Variants in SEMA3C observed in about 807,000 individuals in gnomAD.
SEMA3C encodes semaphorin 3C.
In SEMA3C, 47 loss-of-function variants were observed where a neutral mutation model predicts 89.4. The ratio of observed to expected loss-of-function variants is 0.53; its 90% CI spans 0.42 to 0.67. The LOEUF (loss-of-function observed/expected upper bound fraction) is 0.67, where lower values mean the gene tolerates loss of function less well. SEMA3C is among the 30% of genes least tolerant of loss of function. The pLI is 0.00. For missense variants in SEMA3C, 839 were observed against 929.1 expected (o/e 0.90, Z 1.26); for synonymous variants, 310 against 320.2 (o/e 0.97, Z 0.34).
Position 80,750,459 on chromosome 7 carries a change from TATATATATATATATAC to T in SEMA3C, c.1711+794_1711+809del, listed in dbSNP as rs1386847224. Among the ~76,000 whole-genome samples the T allele has an allele frequency of 6.2e-4, 44 of 71,460 alleles. 1 individual carries two copies. In the East Asian group the frequency reaches 0.013, roughly 22 times the overall value. 46.9% of individuals were successfully genotyped at this position (71,460 alleles called of 152,430 possible). A position where few individuals can be genotyped will look rare whatever the true frequency, so the allele number is the denominator to read the frequency against. On this transcript the variant is annotated intron_variant, in intron 16 of 17. Coordinates refer to ENST00000265361, the MANE Select transcript of SEMA3C (RefSeq NM_006379.5). ...ACATATATATATATATATATATATA[TATATATATATATATAC>T]ACACACACACACACACACACACACA...
chr7:80,754,729 A>G (rs6979109), intron 15 of SEMA3C, among the ~76,000 whole-genome samples: 7,190 of 152,078 alleles, frequency 0.047, 456 homozygotes, highest in East Asian at 0.24. Context: ...CAGGCTTTTC[A>G]TGACAGAATT....
intron 15 of SEMA3C, 78 bp downstream of exon 15, chr7:80,758,253 T>A: frequency 6.9e-7 from 1 of 1,459,666 alleles, no homozygotes; most frequent in Non-Finnish European, 9.3e-7. Flanking sequence ...GCAATAGAAC[T>A]AATTCTAAAG....
chr7:80,916,899 A>T, intron 1 of SEMA3C, 80 bp from the exon 2 acceptor site: 1 of 1,134,380 alleles, frequency 8.8e-7, no homozygotes, highest in East Asian at 2.6e-5. Flanking sequence ...TAGACAAAAC[A>T]CCCTATTCAC....
Position 80,758,424 on chromosome 7 carries a change from T to C in SEMA3C, c.1550A>G (p.Tyr517Cys), listed in dbSNP as rs1473602307. 40 of 1,613,986 alleles carry C rather than the reference T, an allele frequency of 2.5e-5. No homozygotes were observed. The highest frequency in any genetic ancestry group is 3.2e-5 in the Non-Finnish European group (38 of 1,179,990). ...GCAGCAGTCAGCACAGGCTGTACCATAGATGTGGCAGCGGTGCAGAGATAC... is the reference window on the plus strand; with the variant it reads ...GCAGCAGTCAGCACAGGCTGTACCACAGATGTGGCAGCGGTGCAGAGATAC... ...SQVSLHRCHI[Y>C]GTACADCCLA... The change falls in exon 15 of 18, where the codon TAT becomes TGT. Residue 517 changes from tyrosine (Y) to cysteine (C), a missense_variant. Coordinates refer to ENST00000265361, the MANE Select transcript of SEMA3C (RefSeq NM_006379.5).
chr7:80,844,966 G>C (rs1318888646), intron 2 of SEMA3C, among the ~76,000 whole-genome samples: 1 of 152,084 alleles, frequency 6.6e-6, no homozygotes, highest in African/African-American at 2.4e-5. Context: ...CCTTTGTCAG[G>C]GGGTTCATGA....
intron 12 of SEMA3C, among the ~76,000 whole-genome samples, chr7:80,782,928 T>C (rs1279206336): frequency 2.0e-5 from 3 of 152,130 alleles, no homozygotes; most frequent in Non-Finnish European, 2.9e-5. Context: ...AATAAAATAT[T>C]TTAGAAATCT....
At chr7:80,834,646 C>CA (rs1434817770) in intron 2 of SEMA3C, among the ~76,000 whole-genome samples, 1 of 152,066 alleles carries the variant, frequency 6.6e-6, no homozygotes, top group African/African-American at 2.4e-5. Flanking sequence ...TTCATGCACT[C>CA]AAAAATGTGA....
At chr7:80,802,916 G>A in intron 8 of SEMA3C, 137 bp from the exon 9 acceptor site, 1 of 536,290 alleles carries the variant, frequency 1.9e-6, no homozygotes, top group Non-Finnish European at 3.4e-6. Flanking sequence ...CACATCAGTT[G>A]TCAAAGAGGA....
At chr7:80,883,603 T>C (rs74648574) in intron 2 of SEMA3C, among the ~76,000 whole-genome samples, 1,621 of 152,346 alleles carry the variant, frequency 0.011, 26 homozygotes, top group African/African-American at 0.037. Flanking sequence ...ACCCTGTCTT[T>C]GGAATGACAT....
chr7:80,806,667 A>G (rs1161477704), intron 6 of SEMA3C, among the ~76,000 whole-genome samples: 1 of 152,182 alleles, frequency 6.6e-6, no homozygotes, highest in Non-Finnish European at 1.5e-5. Flanking sequence ...TAAGCATTGA[A>G]TTGGTAACAA....
chr7:80,762,092 T>TTA (rs1788197849), intron 13 of SEMA3C, among the ~76,000 whole-genome samples: 1 of 75,922 alleles, frequency 1.3e-5, no homozygotes, highest in African/African-American at 5.0e-5. Flanking sequence ...TCCGTCTCAA[T>TTA]AAAAAAAAAA....
intron 2 of SEMA3C, among the ~76,000 whole-genome samples, chr7:80,876,107 C>T (rs952171503): frequency 1.3e-5 from 2 of 152,152 alleles, no homozygotes; most frequent in South Asian, 2.1e-4. Context: ...CCACCATGCA[C>T]GGTCTCAGGC....
chr7:80,857,305 A>T (rs983666485), intron 2 of SEMA3C, among the ~76,000 whole-genome samples: 4 of 152,150 alleles, frequency 2.6e-5, no homozygotes, highest in African/African-American at 7.2e-5. Context: ...GGAAATTTGA[A>T]TTTTCAGGAT....
At chr7:80,826,206 C>G (rs575026937) in intron 4 of SEMA3C, among the ~76,000 whole-genome samples, 1 of 152,032 alleles carries the variant, frequency 6.6e-6, no homozygotes, top group African/African-American at 2.4e-5. Context: ...CCACTTTCCA[C>G]AGGATTAGTA....
chr7:80,828,536 A>G (rs774480317), intron 3 of SEMA3C, 49 bp downstream of exon 3: 1 of 1,442,752 alleles, frequency 6.9e-7, no homozygotes, highest in Non-Finnish European at 9.4e-7. Context: ...TTTTTAAAAA[A>G]GAGACATTGA....
chr7:80,856,880 C>T (rs1020059482), intron 2 of SEMA3C, among the ~76,000 whole-genome samples: 15 of 152,064 alleles, frequency 9.9e-5, no homozygotes, highest in African/African-American at 3.4e-4. Context: ...ATTCAAGGTG[C>T]TATCATCCTA....
chr7:80,840,079 A>AT (rs1164241541), intron 2 of SEMA3C, among the ~76,000 whole-genome samples: 8 of 152,108 alleles, frequency 5.3e-5, no homozygotes, highest in African/African-American at 1.9e-4. Flanking sequence ...AACACAGCCC[A>AT]TAGCTCTCTA....
chr7:80,751,019 T>A (rs1787922075), intron 16 of SEMA3C, among the ~76,000 whole-genome samples: 1 of 152,194 alleles, frequency 6.6e-6, no homozygotes, highest in East Asian at 1.9e-4. Flanking sequence ...GTAATTACGA[T>A]CTGCGAGAAA....
At chr7:80,902,107 C>T (rs923464548) in intron 2 of SEMA3C, among the ~76,000 whole-genome samples, 27 of 152,108 alleles carry the variant, frequency 1.8e-4, no homozygotes, top group South Asian at 4.1e-4. Flanking sequence ...TGTGCACCAC[C>T]GCACTCAACT....
Sources: gnomAD v4.1 joint callset for allele counts (sites outside exome capture counted in the v4.1 genomes callset) on GRCh38, gnomAD v4.1.1 for gene constraint, MANE v1.5 for transcripts, NCBI Gene and HGNC (gene_info 2026-07-23, HGNC 2026-07-21) for gene names.